The following GRID1 variants were observed in gnomAD, a reference collection of about 807,000 sequenced individuals.
The protein encoded by GRID1 is glutamate ionotropic receptor delta type subunit 1.
A neutral mutation model predicts 98.0 loss-of-function variants in GRID1; 28 were observed. The ratio of observed to expected loss-of-function variants is 0.29; its 90% CI spans 0.21 to 0.39. The LOEUF is 0.39. Among genes scored for constraint, GRID1 ranks in the 10% least tolerant of loss-of-function variants. The pLI, the probability that GRID1 is intolerant of heterozygous loss-of-function variation, is 1.00. For synonymous variants in GRID1, 553 were observed against 538.5 expected, an observed-to-expected ratio of 1.03 and a Z score of -0.37; for missense variants, 1,111 against 1,340.5, an observed-to-expected ratio of 0.83 and a Z score of 2.67.
chr10:86,280,372 G>A (rs576995972), intron 2 of GRID1, among the ~76,000 whole-genome samples: 2 of 152,152 alleles, frequency 1.3e-5, no homozygotes, highest in African/African-American at 4.8e-5. Context: ...TCTACTTGCT[G>A]CTCCTTCAAT....
chr10:86,179,875 G>A (rs1367093194), intron 3 of GRID1, among the ~76,000 whole-genome samples: 2 of 152,324 alleles, frequency 1.3e-5, no homozygotes, highest in East Asian at 3.9e-4. Context: ...CCGTAAAGTG[G>A]AGAGAAGAGG....
intron 2 of GRID1, among the ~76,000 whole-genome samples, chr10:86,226,050 G>T (rs1377723983): frequency 1.3e-5 from 2 of 152,056 alleles, no homozygotes; most frequent in Non-Finnish European, 2.9e-5. Flanking sequence ...GACCCTGCAG[G>T]TGGACAGGTA....
rs12265580 is a variant in GRID1, at chr10:85,862,667, C to T, written c.951+6343G>A. ...CTTGAGAGACCCAGATGGACACTCT[C>T]GGCTGCTGGATAATTAGAGATGAGT... On this transcript the variant is annotated intron_variant, in intron 6 of 15. Coordinates refer to ENST00000327946, the MANE Select transcript of GRID1 (RefSeq NM_017551.3). Among the ~76,000 whole-genome samples the T allele has an allele frequency of 9.9e-3, 1,513 of 152,186 alleles. 22 individuals are homozygous for T. Among genetic ancestry groups the T allele is most frequent in the African/African-American group, 0.034 (1,413 of 41,514 alleles).
At chr10:86,340,578 C>T (rs952702358) in intron 2 of GRID1, among the ~76,000 whole-genome samples, 4 of 152,150 alleles carry the variant, frequency 2.6e-5, no homozygotes, top group South Asian at 4.1e-4. Context: ...GGTGAATACT[C>T]CAGGGGCACA....
At chr10:85,670,069 T>C (rs566638621) in intron 12 of GRID1, among the ~76,000 whole-genome samples, 4 of 152,364 alleles carry the variant, frequency 2.6e-5, no homozygotes, top group Admixed American at 2.0e-4. Flanking sequence ...TATTCAGAAA[T>C]ACATATTTAT....
intron 2 of GRID1, among the ~76,000 whole-genome samples, chr10:86,352,722 A>G (rs1175998253): frequency 2.6e-5 from 4 of 152,186 alleles, no homozygotes; most frequent in African/African-American, 9.7e-5. Context: ...CATTCAGTCC[A>G]TAACACTTCT....
At chr10:85,756,440 T>G (rs1842099339) in intron 8 of GRID1, among the ~76,000 whole-genome samples, 1 of 152,190 alleles carries the variant, frequency 6.6e-6, no homozygotes, top group African/African-American at 2.4e-5. Context: ...TTGGGACCAT[T>G]ATTAAGTCAA....
At chr10:85,669,253 A>T (rs1305037616) in intron 12 of GRID1, among the ~76,000 whole-genome samples, 1 of 152,188 alleles carries the variant, frequency 6.6e-6, no homozygotes, top group Non-Finnish European at 1.5e-5. Context: ...GTGGAGGATG[A>T]TGGGAGTTTC....
chr10:86,106,646 C>T (rs1844391727), intron 4 of GRID1, among the ~76,000 whole-genome samples: 1 of 152,042 alleles, frequency 6.6e-6, no homozygotes, highest in South Asian at 2.1e-4. Context: ...GGGCTGCACA[C>T]TTGGGCCAAG....
intron 4 of GRID1, among the ~76,000 whole-genome samples, chr10:86,127,464 C>G (rs748779785): frequency 3.9e-5 from 6 of 152,262 alleles, no homozygotes; most frequent in Middle Eastern, 3.4e-3. Context: ...AATAACAGCC[C>G]AGATGGGAGG....
chr10:86,291,198 C>A (rs1847507565), intron 2 of GRID1, among the ~76,000 whole-genome samples: 1 of 152,168 alleles, frequency 6.6e-6, no homozygotes, highest in Admixed American at 6.5e-5. Context: ...GAAAGCAGAG[C>A]CCAGAGGGCC....
chr10:85,766,639 T>C (rs918563086), intron 8 of GRID1, among the ~76,000 whole-genome samples: 1 of 151,782 alleles, frequency 6.6e-6, no homozygotes, highest in African/African-American at 2.4e-5. Context: ...GGACATTAAA[T>C]TCAAAAGGAT....
At chr10:86,003,623 G>C (rs375437718) in intron 4 of GRID1, among the ~76,000 whole-genome samples, 1 of 152,168 alleles carries the variant, frequency 6.6e-6, no homozygotes, top group Non-Finnish European at 1.5e-5. Context: ...CCAAGTACGC[G>C]AGGAGGCTGC....
chr10:85,653,004 GC>G (rs1840845729), intron 12 of GRID1, among the ~76,000 whole-genome samples: 1 of 152,208 alleles, frequency 6.6e-6, no homozygotes, highest in South Asian at 2.1e-4. Context: ...ACTAGGTAAT[GC>G]CAGGGTCAGC....
intron 8 of GRID1, among the ~76,000 whole-genome samples, chr10:85,759,792 A>G (rs1459815992): frequency 6.6e-6 from 1 of 152,174 alleles, no homozygotes; most frequent in East Asian, 1.9e-4. Context: ...CTTCAATTCT[A>G]TGTCTATAAA....
intron 13 of GRID1, among the ~76,000 whole-genome samples, chr10:85,632,127 G>C (rs2132535921): frequency 6.6e-6 from 1 of 152,230 alleles, no homozygotes; most frequent in African/African-American, 2.4e-5. Flanking sequence ...ATGAAAGGAT[G>C]GCAAGTAGAA....
At chr10:85,674,904 GA>G (rs1326424996) in intron 12 of GRID1, among the ~76,000 whole-genome samples, 2 of 152,174 alleles carry the variant, frequency 1.3e-5, no homozygotes, top group African/African-American at 4.8e-5. Flanking sequence ...ATGAAGCTCA[GA>G]AATTTAGAGT....
chr10:86,059,536 A>G (rs1190590250), intron 4 of GRID1, among the ~76,000 whole-genome samples: 1 of 152,260 alleles, frequency 6.6e-6, no homozygotes, highest in East Asian at 1.9e-4. Flanking sequence ...TCCTTCAATA[A>G]GAAGAGTGAG....
chr10:86,033,603 T>A (rs1843216001), intron 4 of GRID1, among the ~76,000 whole-genome samples: 1 of 152,126 alleles, frequency 6.6e-6, no homozygotes, highest in Admixed American at 6.5e-5. Flanking sequence ...CCAAGGAACA[T>A]CCAGACAGAA....
Sources: gnomAD v4.1 joint callset for allele counts (sites outside exome capture counted in the v4.1 genomes callset) on GRCh38, gnomAD v4.1.1 for gene constraint, MANE v1.5 for transcripts, NCBI Gene and HGNC (gene_info 2026-07-23, HGNC 2026-07-21) for gene names.